Variants in CHD3 observed in about 807,000 individuals in gnomAD.
The protein encoded by CHD3 is chromodomain helicase DNA binding protein 3.
Under a neutral mutation model 248.9 loss-of-function variants are expected in CHD3, and 52 were observed. The observed-to-expected ratio is 0.21, with a 90% CI of 0.17 to 0.26. CHD3 has a LOEUF of 0.26. Among genes scored for constraint, CHD3 ranks in the 10% least tolerant of loss-of-function variants. The pLI, the probability that CHD3 is intolerant of heterozygous loss-of-function variation, is 1.00. For missense variants in CHD3, 1,482 were observed against 2,605.8 expected, an observed-to-expected ratio of 0.57 and a Z score of 9.39; for synonymous variants, 985 against 985.2, an observed-to-expected ratio of 1.00 and a Z score of 0.00.
Position 7,890,628 on chromosome 17 carries a change from G to C in CHD3, c.271G>C (p.Gly91Arg), listed in dbSNP as rs780206250. 11 of 1,610,242 alleles carry C rather than the reference G, an allele frequency of 6.8e-6. No individual in the cohort carries two copies. Among genetic ancestry groups the C allele is most frequent in the Non-Finnish European group, 9.3e-6 (11 of 1,178,988 alleles). ...TGAGTACCGGGAGAAGTCAGAGAGT[G>C]GGGGCAGTGAATATGGAACCGGACC... ...RDEYREKSES[G>R]GSEYGTGPGR... Residue 91 changes from glycine (G) to arginine (R), a missense_variant, in exon 3 of 40, where the codon GGG (glycine) becomes CGG (arginine). Physicochemically the swap from Gly to Arg is moderately radical, Grantham distance 125 (BLOSUM62 -2). Around this residue, in one of 20 missense-constraint regions of CHD3, gnomAD observed 169 missense variants for 168.1 expected, o/e 1.01. Transcript: ENST00000330494.
chr17:7,909,262 C>T lies in CHD3; in HGVS notation c.5514C>T (p.Cys1838=), dbSNP rs1971353192. 1.9e-6 allele frequency: 3 copies of T among 1,555,504 alleles called. No homozygotes were observed. Among genetic ancestry groups the T allele is most frequent in the Non-Finnish European group, 2.6e-6 (3 of 1,151,132 alleles). The stretch of plus-strand genomic sequence containing the variant: ...ACGCCCGCTTCGCCGAGGCCGAGTG[C>T]CTGGCCGAGAGCCACCAGCACCTCT... ...ALHARFAEAE[C]LAESHQHLSK... The change falls in exon 37 of 40, where the codon TGC becomes TGT. Residue 1838 remains cysteine (C), a synonymous_variant. Coordinates refer to ENST00000330494, the MANE Select transcript of CHD3 (RefSeq NM_001005273.3). This position sits in a 1 kb window ranked among gnomAD's most constrained non-coding sequence, Gnocchi z 8.1.
At position 7,905,727 on chromosome 17, in the gene CHD3, TC is replaced by T; in HGVS notation, c.4224+23del. 1 of 1,612,888 alleles carries T rather than the reference TC, an allele frequency of 6.2e-7. No individual in the cohort carries two copies. The highest frequency in any genetic ancestry group is 8.5e-7 in the Non-Finnish European group (1 of 1,179,166). ...TTGAGGTGAGAGCTGGGCCCAGTGTTCCTGAGTTCTCCAAGAGGGCATGAGG... is the reference window on the plus strand; with the variant it reads ...TTGAGGTGAGAGCTGGGCCCAGTGTTCTGAGTTCTCCAAGAGGGCATGAGG... On this transcript the variant is annotated intron_variant, in intron 27 of 39. Transcript: ENST00000330494. This position sits in a 1 kb window ranked among gnomAD's most constrained non-coding sequence, Gnocchi z 5.8.
intron 8 of CHD3, 47 bp from the exon 9 acceptor site, chr17:7,894,870 T>G (rs770947851): frequency 1.9e-6 from 3 of 1,602,390 alleles, no homozygotes; most frequent in East Asian, 4.5e-5. Context: ...CCAGTTTCAT[T>G]CCTTAATTTC....
chr17:7,903,176 CCTT>C lies in CHD3; in HGVS notation c.3496-91_3496-89del, dbSNP rs1970517092. 1 of 1,560,510 alleles carries C rather than the reference CCTT, an allele frequency of 6.4e-7. No individual in the cohort carries two copies. The highest frequency in any genetic ancestry group is 1.4e-5 in the African/African-American group (1 of 73,964). On this transcript the variant is annotated intron_variant, in intron 22 of 39. Coordinates refer to ENST00000330494, the MANE Select transcript of CHD3 (RefSeq NM_001005273.3). This position sits in a 1 kb window ranked among gnomAD's most constrained non-coding sequence, Gnocchi z 6.8. ...AATCTCTTCTGGGAGGAGAGAAGGC[CCTT>C]CTTCAGCAGCCTTCTTTCCTGAGGC...
intron 20 of CHD3, 69 bp from the exon 21 acceptor site, chr17:7,902,541 G>A (rs1477156393): frequency 1.0e-6 from 1 of 974,834 alleles, no homozygotes; most frequent in Admixed American, 1.8e-5. Context: ...TTGTGTAAAG[G>A]AGTAGTTAGA....
chr17:7,894,820 C>T (rs568796599), intron 8 of CHD3, 97 bp from the exon 9 acceptor site: 42 of 1,545,736 alleles, frequency 2.7e-5, no homozygotes, highest in Non-Finnish European at 3.6e-5. Flanking sequence ...GTCTTCTCTG[C>T]ACTTCTAGGA....
chr17:7,900,749 C>T lies in CHD3; in HGVS notation c.2978+18C>T. On this transcript the variant is annotated intron_variant, in intron 18 of 39. Coordinates refer to ENST00000330494, the MANE Select transcript of CHD3 (RefSeq NM_001005273.3). This position sits in a 1 kb window ranked among gnomAD's most constrained non-coding sequence, Gnocchi z 6.5. ...ATGCAGAAGTAAGATGCAAGACGAG[C>T]TGCCTGGAGTAGGGCTTGGGGATTG... 1 of 1,610,396 alleles carries T rather than the reference C, an allele frequency of 6.2e-7. No homozygotes were observed. The highest frequency in any genetic ancestry group is 1.1e-5 in the South Asian group (1 of 91,030).
chr17:7,897,832 C>T lies in CHD3; in HGVS notation c.1920-139C>T. 1.1e-6 allele frequency: 1 copy of T among 890,274 alleles called. No individual in the cohort carries two copies. The highest frequency in any genetic ancestry group is 1.7e-6 in the Non-Finnish European group (1 of 578,802). The allele number at this position is 890,274 out of a possible 1,614,324, so 55.1% of individuals were successfully genotyped here. On this transcript the variant is annotated intron_variant, in intron 11 of 39. Transcript: ENST00000330494. This position sits in a 1 kb window ranked among gnomAD's most constrained non-coding sequence, Gnocchi z 4.8. ...CTGCTAGGTCAACTATTCCAATCTCCCTTCCAGCAGCTCACTGTTGACGGT... is the reference window on the plus strand; with the variant it reads ...CTGCTAGGTCAACTATTCCAATCTCTCTTCCAGCAGCTCACTGTTGACGGT...
chr17:7,896,752 G>T (rs1969724344), intron 10 of CHD3, among the ~76,000 whole-genome samples: 1 of 151,992 alleles, frequency 6.6e-6, no homozygotes, highest in African/African-American at 2.4e-5. Flanking sequence ...TCCGCCTCAT[G>T]CATTCAAGCG....
At chr17:7,884,962 C>A, upstream of CHD3, 3 of 1,194,246 alleles carry the variant, frequency 2.5e-6, no homozygotes, top group South Asian at 3.9e-5. Flanking sequence ...AGGGAGTACT[C>A]GGGCGCGGGC....
Position 7,905,263 on chromosome 17 carries a change from G to A in CHD3, c.4138+98G>A. The A allele has an allele frequency of 8.6e-7, 1 of 1,156,856 alleles. No homozygotes were observed. The highest frequency in any genetic ancestry group is 1.3e-6 in the Non-Finnish European group (1 of 772,256). 71.7% of individuals were successfully genotyped at this position (1,156,856 alleles called of 1,614,324 possible). A position where few individuals can be genotyped will look rare whatever the true frequency, so the allele number is the denominator to read the frequency against. On this transcript the variant is annotated intron_variant, in intron 26 of 39. Transcript: ENST00000330494. This position sits in a 1 kb window ranked among gnomAD's most constrained non-coding sequence, Gnocchi z 5.8. ...TTTATACAAGTAAAAAAGTCTTCGTGTGTGTGTGGAAAAACTCGATTGCAG... is the reference window on the plus strand; with the variant it reads ...TTTATACAAGTAAAAAAGTCTTCGTATGTGTGTGGAAAAACTCGATTGCAG...
At chr17:7,892,599 C>T (rs1370292363) in intron 4 of CHD3, among the ~76,000 whole-genome samples, 1 of 149,144 alleles carries the variant, frequency 6.7e-6, no homozygotes, top group Non-Finnish European at 1.5e-5. Flanking sequence ...CAGGTTCAAG[C>T]AATTTTTCTG....
upstream of CHD3, among the ~76,000 whole-genome samples, chr17:7,887,443 A>T (rs1204370531): frequency 1.4e-5 from 2 of 141,168 alleles, no homozygotes; most frequent in African/African-American, 5.3e-5. Flanking sequence ...ATATAACATA[A>T]TATATAGATG....
rs1971513700 is a variant in CHD3 at position 7,910,486 on chromosome 17, A to G, written c.5649A>G (p.Pro1883=). 1 of 1,613,942 alleles carries G rather than the reference A, an allele frequency of 6.2e-7. No homozygotes were observed. The change falls in exon 38 of 40, where the codon CCA becomes CCG. Residue 1883 remains proline, a synonymous_variant. Coordinates refer to ENST00000330494, the MANE Select transcript of CHD3 (RefSeq NM_001005273.3). The surrounding 1 kb of genome is among the most constrained non-coding windows in gnomAD (Gnocchi z 4.7). The part of the protein sequence containing the change: ...SDMKADVTRL[P]ATLSRIPPIA... The stretch of plus-strand genomic sequence containing the variant: ...TGAAGGCGGACGTGACCCGCCTGCC[A>G]GCCACGCTGTCCCGAATACCCCCCA...
At chr17:7,901,141 C>T (rs551621099) in intron 19 of CHD3, 103 bp from the exon 20 acceptor site, 1 of 1,516,832 alleles carries the variant, frequency 6.6e-7, no homozygotes, top group Admixed American at 2.0e-5. Context: ...GAATTGGGAA[C>T]ATGTGGAAGC....
At position 7,895,607 on chromosome 17, in the gene CHD3, ACTCCT is replaced by A. The variant is rs1969528314; in HGVS notation, c.1707+68_1707+72del. ...TTTCCTGCCATCCTCTCCCTCTCTT[ACTCCT>A]CTGTTTGTTGGGTTCCCATACTCTT... On this transcript the variant is annotated intron_variant, in intron 10 of 39. Transcript: ENST00000330494. The surrounding 1 kb of genome is among the most constrained non-coding windows in gnomAD (Gnocchi z 4.9). The A allele has an allele frequency of 1.2e-5, 17 of 1,394,112 alleles. No homozygotes were observed. The highest frequency in any genetic ancestry group is 1.6e-5 in the Non-Finnish European group (16 of 991,854). The allele number at this position is 1,394,112 out of a possible 1,614,324, so 86.4% of individuals were successfully genotyped here.
At position 7,910,154 on chromosome 17, in the gene CHD3, C is replaced by A; in HGVS notation, c.5591-274C>A. On this transcript the variant is annotated intron_variant, in intron 37 of 39. Transcript: ENST00000330494. This position sits in a 1 kb window ranked among gnomAD's most constrained non-coding sequence, Gnocchi z 4.7. Reference sequence around the variant, plus strand: ...TCCCCCCATCTTCCTTTCCTCCATGCTCCCTTTTTCTTTCTTCTTTCTCTC... The same window carrying A: ...TCCCCCCATCTTCCTTTCCTCCATGATCCCTTTTTCTTTCTTCTTTCTCTC... 1 of 328,076 alleles carries A rather than the reference C, an allele frequency of 3.0e-6. No individual in the cohort carries two copies. The highest frequency in any genetic ancestry group is 5.8e-6 in the Non-Finnish European group (1 of 173,138). The allele number at this position is 328,076 out of a possible 1,614,324, so 20.3% of individuals were successfully genotyped here.
In CHD3 at chr17:7,889,157, G is replaced by C. The variant is rs543124572; in HGVS notation, c.100+57G>C. ...TCCCTCTTGGCAAAAGGATGTCAGG[G>C]CCCCAGGGTGTTAGTGTGAGAACCC... On this transcript the variant is annotated intron_variant, in intron 1 of 39. Transcript: ENST00000330494. This position sits in a 1 kb window ranked among gnomAD's most constrained non-coding sequence, Gnocchi z 4.5. 1 of 1,609,658 alleles carries C rather than the reference G, an allele frequency of 6.2e-7. No individual in the cohort carries two copies. The highest frequency in any genetic ancestry group is 8.5e-7 in the Non-Finnish European group (1 of 1,176,802).
In CHD3 at chr17:7,903,813, C is replaced by G. The variant is rs761936762; in HGVS notation, c.3728-12C>G. 1 of 1,612,604 alleles carries G rather than the reference C, an allele frequency of 6.2e-7. No individual in the cohort carries two copies. The highest frequency in any genetic ancestry group is 2.2e-5 in the East Asian group (1 of 44,838). On this transcript the variant is annotated splice_polypyrimidine_tract_variant and intron_variant, in intron 23 of 39. Coordinates refer to ENST00000330494, the MANE Select transcript of CHD3 (RefSeq NM_001005273.3). The surrounding 1 kb of genome is among the most constrained non-coding windows in gnomAD (Gnocchi z 6.8). Reference sequence around the variant, plus strand: ...GGAACCCAAAGTTCCCGTTTGTTTTCCCTCTCACCAGGGGAGAACAAGGAG... The same window carrying G: ...GGAACCCAAAGTTCCCGTTTGTTTTGCCTCTCACCAGGGGAGAACAAGGAG...
Sources: allele counts gnomAD v4.1 joint callset (sites outside exome capture counted in the v4.1 genomes callset), GRCh38; gene constraint gnomAD v4.1.1; regional missense constraint gnomAD v4.1.1; non-coding constraint Gnocchi (gnomAD v3.1); transcripts MANE v1.5; gene names NCBI Gene and HGNC (gene_info 2026-07-23, HGNC 2026-07-21).